Variants in PCDHGA9 observed in about 807,000 individuals in gnomAD.
PCDHGA9 encodes the protein protocadherin gamma-A9.
A neutral mutation model predicts 62.5 loss-of-function variants in PCDHGA9; 37 were observed. The ratio of observed to expected loss-of-function variants is 0.59; its 90% CI spans 0.46 to 0.78. The LOEUF (loss-of-function observed/expected upper bound fraction) is 0.78. Ranked by LOEUF, PCDHGA9 falls within the 30% of genes least tolerant of loss-of-function variation. The pLI is 0.00. For missense variants in PCDHGA9, 1,138 were observed against 1,166.2 expected (o/e 0.98, Z 0.35); for synonymous variants, 459 against 484.6 (o/e 0.95, Z 0.69).
intron 1 of PCDHGA9, chr5:141,427,848 C>A: frequency 6.4e-7 from 1 of 1,551,668 alleles, no homozygotes; most frequent in Non-Finnish European, 8.8e-7. Flanking sequence ...CGACCACGAG[C>A]AGCTGTGCGC....
chr5:141,422,568 C>T (rs372115955), intron 1 of PCDHGA9: 91 of 1,613,904 alleles, frequency 5.6e-5, no homozygotes, highest in Non-Finnish European at 7.5e-5. Flanking sequence ...CAGATGACAA[C>T]GATAACCCTC....
At chr5:141,503,598 C>CTAA (rs2099824827) in intron 2 of PCDHGA9, among the ~76,000 whole-genome samples, 2 of 65,752 alleles carry the variant, frequency 3.0e-5, no homozygotes, top group African/African-American at 9.3e-5. Flanking sequence ...GACTCCAGCT[C>CTAA]AAAAAAAAAA....
intron 1 of PCDHGA9, among the ~76,000 whole-genome samples, chr5:141,449,391 G>A (rs1020753910): frequency 1.3e-5 from 2 of 151,876 alleles, no homozygotes; most frequent in Non-Finnish European, 2.9e-5. Context: ...TGGATTACTT[G>A]AGGCCAGGAG....
chr5:141,486,169 A>T lies in PCDHGA9; in HGVS notation c.2425-8638A>T. On this transcript the variant is annotated intron_variant, in intron 1 of 3. Transcript: ENST00000573521. The surrounding 1 kb of genome is among the most constrained non-coding windows in gnomAD (Gnocchi z 5.0). ...ATGGGGGTTCTCCAGCCATGGAGCA[A>T]CATTGCAGCCTTCGAGTGGATCTGC... 1 of 1,614,206 alleles carries T rather than the reference A, an allele frequency of 6.2e-7. No homozygotes were observed. Among genetic ancestry groups the T allele is most frequent in the Non-Finnish European group, 8.5e-7 (1 of 1,180,032 alleles).
chr5:141,435,296 T>A (rs545583818), intron 1 of PCDHGA9, among the ~76,000 whole-genome samples: 44 of 152,328 alleles, frequency 2.9e-4, no homozygotes, highest in African/African-American at 9.9e-4. Context: ...AGTCATTTCA[T>A]GGTTTTAAAT....
At chr5:141,443,604 G>A (rs1561911807) in intron 1 of PCDHGA9, among the ~76,000 whole-genome samples, 1 of 152,194 alleles carries the variant, frequency 6.6e-6, no homozygotes, top group Non-Finnish European at 1.5e-5. Context: ...TATATGAAAT[G>A]TTCTTATAAT....
At chr5:141,423,562 AC>A in intron 1 of PCDHGA9, 1 of 1,613,612 alleles carries the variant, frequency 6.2e-7, no homozygotes, top group Non-Finnish European at 8.5e-7. Flanking sequence ...CTATGGGGAC[AC>A]GCTCATCAGC....
chr5:141,410,650 T>C (rs781083173), intron 1 of PCDHGA9: 3 of 1,590,604 alleles, frequency 1.9e-6, no homozygotes, highest in Non-Finnish European at 2.6e-6. Context: ...GTGTGATTTA[T>C]CTAATAGTCT....
intron 1 of PCDHGA9, among the ~76,000 whole-genome samples, chr5:141,459,563 C>CAAAACAGAATT (rs1554142058): frequency 5.3e-5 from 8 of 152,044 alleles, no homozygotes; most frequent in Non-Finnish European, 2.9e-5. Context: ...ATAAATACCC[C>CAAAACAGAATT]AAAACAGAAT....
At position 141,493,666 on chromosome 5, in the gene PCDHGA9, C is replaced by T. The variant is rs1475584876; in HGVS notation, c.2425-1141C>T. On this transcript the variant is annotated intron_variant, in intron 1 of 3. Transcript: ENST00000573521. The surrounding 1 kb of genome is among the most constrained non-coding windows in gnomAD (Gnocchi z 4.3). ...GCCATCCCTGTGCCCTTCTCCATGG[C>T]AGCCCCAGAATGGTGCTGGTGACTC... 6.6e-6 allele frequency among the ~76,000 whole-genome samples: 1 copy of T among 152,176 alleles called. No individual in the cohort carries two copies. The highest frequency in any genetic ancestry group is 1.5e-5 in the Non-Finnish European group (1 of 68,028).
chr5:141,421,187 A>G (rs745843422), intron 1 of PCDHGA9: 5 of 1,473,698 alleles, frequency 3.4e-6, no homozygotes, highest in Non-Finnish European at 4.5e-6. Context: ...TTCACAACCA[A>G]CCAGCTCGAG....
intron 1 of PCDHGA9, chr5:141,408,489 G>A: frequency 6.2e-7 from 1 of 1,614,076 alleles, no homozygotes; most frequent in Non-Finnish European, 8.5e-7. Flanking sequence ...GAGCAAATAT[G>A]CAAAGAGAGA....
chr5:141,469,581 A>G (rs543624370), intron 1 of PCDHGA9, among the ~76,000 whole-genome samples: 1 of 152,340 alleles, frequency 6.6e-6, no homozygotes, highest in Admixed American at 6.5e-5. Flanking sequence ...CTCTAAATAA[A>G]TAAATAAATA....
At chr5:141,408,002 T>A in intron 1 of PCDHGA9, 1 of 908,258 alleles carries the variant, frequency 1.1e-6, no homozygotes, top group Non-Finnish European at 1.6e-6. Flanking sequence ...GGCCTGGGAT[T>A]CCCTGCGCAG....
At position 141,476,409 on chromosome 5, in the gene PCDHGA9, G is replaced by A. The variant is rs1226666958; in HGVS notation, c.2425-18398G>A. The A allele has an allele frequency of 6.2e-7, 1 of 1,614,154 alleles. No homozygotes were observed. The highest frequency in any genetic ancestry group is 1.7e-5 in the Admixed American group (1 of 60,030). ...GACCGTCTGGATCGAGAGGAGCTGT[G>A]TGGGACACTGCCCTCTTGCACTGTA... is the stretch of plus-strand genomic sequence containing the variant. On this transcript the variant is annotated intron_variant, in intron 1 of 3. Coordinates refer to ENST00000573521, the MANE Select transcript of PCDHGA9 (RefSeq NM_018921.3). The surrounding 1 kb of genome is among the most constrained non-coding windows in gnomAD (Gnocchi z 7.6).
At position 141,490,688 on chromosome 5, in the gene PCDHGA9, C is replaced by A; in HGVS notation, c.2425-4119C>A. ...ACTGTGGCTGCCTCAGATCCAGACA[C>A]TGGGGATAATGCCCGCCTCACCTAC... On this transcript the variant is annotated intron_variant, in intron 1 of 3. Coordinates refer to ENST00000573521, the MANE Select transcript of PCDHGA9 (RefSeq NM_018921.3). The surrounding 1 kb of genome is among the most constrained non-coding windows in gnomAD (Gnocchi z 5.4). The A allele has an allele frequency of 6.2e-7, 1 of 1,614,218 alleles. No individual in the cohort carries two copies. The highest frequency in any genetic ancestry group is 8.5e-7 in the Non-Finnish European group (1 of 1,180,032).
chr5:141,403,146 G>A lies in PCDHGA9; in HGVS notation c.194G>A (p.Arg65His), dbSNP rs1400601984. The change falls in exon 1 of 4, where the codon CGC becomes CAC. Residue 65 changes from arginine (R) to histidine (H), a missense_variant. Physicochemically the swap from Arg to His is conservative, Grantham distance 29 (BLOSUM62 0). Coordinates refer to ENST00000573521, the MANE Select transcript of PCDHGA9 (RefSeq NM_018921.3). ...EPRELAERRVRIVSRGRTQLF... is the reference protein window; with the variant it reads ...EPRELAERRVHIVSRGRTQLF... Reference sequence around the variant, plus strand: ...CGGGAGCTGGCGGAGCGCCGAGTCCGCATCGTCTCTAGAGGTAGGACGCAG... The same window carrying A: ...CGGGAGCTGGCGGAGCGCCGAGTCCACATCGTCTCTAGAGGTAGGACGCAG... 3 of 1,613,938 alleles carry A rather than the reference G, an allele frequency of 1.9e-6. No homozygotes were observed. Among genetic ancestry groups the A allele is most frequent in the African/African-American group, 2.7e-5 (2 of 74,954 alleles).
intron 1 of PCDHGA9, among the ~76,000 whole-genome samples, chr5:141,475,253 A>C (rs2099360990): frequency 6.6e-6 from 1 of 152,200 alleles, no homozygotes; most frequent in Non-Finnish European, 1.5e-5. Flanking sequence ...GTGCTCTACA[A>C]CTGAGATCAT....
chr5:141,455,400 C>G (rs537466326), intron 1 of PCDHGA9, among the ~76,000 whole-genome samples: 8 of 152,274 alleles, frequency 5.3e-5, no homozygotes, highest in Admixed American at 5.2e-4. Context: ...CTCCCCCTTA[C>G]AGAGACAGAG....
Sources: gnomAD v4.1 joint callset for allele counts (sites outside exome capture counted in the v4.1 genomes callset) on GRCh38, gnomAD v4.1.1 for gene constraint, Gnocchi (gnomAD v3.1) non-coding constraint, MANE v1.5 for transcripts, NCBI Gene and HGNC (gene_info 2026-07-23, HGNC 2026-07-21) for gene names.